The following CACNA1H variants were observed in gnomAD, a reference collection of about 807,000 sequenced individuals.
CACNA1H encodes calcium voltage-gated channel subunit alpha1 H.
Under a neutral mutation model 192.5 loss-of-function variants are expected in CACNA1H, and 149 were observed. That is an observed-to-expected ratio of 0.77 (90% CI 0.68 to 0.89). The LOEUF (loss-of-function observed/expected upper bound fraction) is 0.89. Ranked by LOEUF, CACNA1H falls within the 40% of genes least tolerant of loss-of-function variation. The probability of loss-of-function intolerance (pLI) is 0.00; values close to 1 mark genes in which losing one functional copy is unlikely to be tolerated. For synonymous variants in CACNA1H, 2,202 were observed against 1,475.2 expected (o/e 1.49, Z -11.29); for missense variants, 4,257 against 3,423.5 (o/e 1.24, Z -6.08).
At chr16:1,157,463 A>G (rs1962573515) in intron 2 of CACNA1H, among the ~76,000 whole-genome samples, 1 of 152,114 alleles carries the variant, frequency 6.6e-6, no homozygotes, top group South Asian at 2.1e-4. Context: ...AGCCTGAGAC[A>G]GCCCTTCATG....
At chr16:1,173,279 A>G (rs1023609717) in intron 2 of CACNA1H, among the ~76,000 whole-genome samples, 5 of 152,144 alleles carry the variant, frequency 3.3e-5, no homozygotes, top group Non-Finnish European at 7.4e-5. Context: ...GGTGGGTGGC[A>G]TCGGGAGGCC....
chr16:1,191,199 T>A (rs1204101397), intron 2 of CACNA1H, among the ~76,000 whole-genome samples: 1 of 63,266 alleles, frequency 1.6e-5, no homozygotes, highest in African/African-American at 1.0e-4. Context: ...TCTCTCTTAC[T>A]CAGCAGGCTG....
At chr16:1,196,771 T>G (rs1351433037) in intron 5 of CACNA1H, among the ~76,000 whole-genome samples, 1 of 152,106 alleles carries the variant, frequency 6.6e-6, no homozygotes, top group Non-Finnish European at 1.5e-5. Context: ...CCTGCTTGTT[T>G]GGGAAACATC....
At chr16:1,208,347 G>C in intron 16 of CACNA1H, 126 bp downstream of exon 16, 1 of 711,430 alleles carries the variant, frequency 1.4e-6, no homozygotes. Flanking sequence ...AGCCTGTGCA[G>C]AGACTGAGAA....
At chr16:1,209,980 TG>T in intron 17 of CACNA1H, 54 bp from the exon 18 acceptor site, 15 of 1,367,222 alleles carry the variant, frequency 1.1e-5, no homozygotes, top group Non-Finnish European at 1.5e-5. Flanking sequence ...AGGGCCCTGA[TG>T]GGGGGCCGGG....
rs768306211 is a variant in CACNA1H, at chr16:1,204,157, C to T, written c.2150C>T (p.Ser717Leu). 22 of 1,612,338 alleles carry T rather than the reference C, an allele frequency of 1.4e-5. No homozygotes were observed. Among genetic ancestry groups the T allele is most frequent in the Admixed American group, 6.7e-5 (4 of 59,992 alleles). The change falls in exon 10 of 35, where the codon TCG (serine) becomes TTG (leucine). Residue 717 changes from serine to leucine, a missense_variant. By Grantham distance (145) the Ser-to-Leu change is moderately radical (BLOSUM62 -2). Coordinates refer to ENST00000348261, the MANE Select transcript of CACNA1H (RefSeq NM_021098.3). ...GACCCGGAGGGTGAGCTCAGCGGCT[C>T]GGAAAGTGGAGACTCAGATGGCCGT... ...LEDPEGELSG[S>L]ESGDSDGRGV...
In CACNA1H at chr16:1,210,974, G is replaced by A. The variant is rs1241517773; in HGVS notation, c.4223+3G>A. 2.5e-6 allele frequency: 4 copies of A among 1,592,210 alleles called. No individual in the cohort carries two copies. The African/African-American group carries it at 4.0e-5, about 16-fold the overall frequency. On this transcript the variant is annotated splice_donor_region_variant and intron_variant, in intron 21 of 34. Transcript: ENST00000348261. ...CTGCGGACCCTGCGGCCTCTGAGGT[G>A]GGGGGCTCCCCGTGGGCTCCCGGGG... is the stretch of plus-strand genomic sequence containing the variant.
At chr16:1,198,950 C>G (rs1967350699) in intron 6 of CACNA1H, 176 bp downstream of exon 6, 1 of 627,394 alleles carries the variant, frequency 1.6e-6, no homozygotes, top group East Asian at 2.8e-5. Flanking sequence ...CCCCCACCCC[C>G]CATCATGGCT....
In CACNA1H at chr16:1,153,866, G is replaced by A. The variant is rs1286201611; in HGVS notation, c.129G>A (p.Gly43=). The change falls in exon 2 of 35, where the codon GGG becomes GGA. Residue 43 remains glycine (G), a synonymous_variant. Coordinates refer to ENST00000348261, the MANE Select transcript of CACNA1H (RefSeq NM_021098.3). ...PGAPGREAER[G]SELGVSPSES... ...CGCCGGGACGCGAGGCGGAGCGGGG[G>A]TCCGAGCTCGGCGTGTCACCCTCCG... The A allele has an allele frequency of 2.9e-6, 4 of 1,387,676 alleles. No individual in the cohort carries two copies. The African/African-American group carries it at 4.5e-5, about 16-fold the overall frequency. The allele number at this position is 1,387,676 out of a possible 1,614,324, so 86.0% of individuals were successfully genotyped here.
chr16:1,214,121 C>A (rs1006783308), intron 27 of CACNA1H, among the ~76,000 whole-genome samples, 190 bp downstream of exon 27: 2 of 151,898 alleles, frequency 1.3e-5, no homozygotes, highest in Non-Finnish European at 1.5e-5. Flanking sequence ...TCCTTGGGGC[C>A]CCTCCCCAAC....
Position 1,167,417 on chromosome 16 carries a change from C to A in CACNA1H, c.299+13381C>A, listed in dbSNP as rs1207016597. Among the ~76,000 whole-genome samples, 1 of 152,186 alleles carries A rather than the reference C, an allele frequency of 6.6e-6. No individual in the cohort carries two copies. Among genetic ancestry groups the A allele is most frequent in the South Asian group, 2.1e-4 (1 of 4,828 alleles). On this transcript the variant is annotated intron_variant, in intron 2 of 34. Coordinates refer to ENST00000348261, the MANE Select transcript of CACNA1H (RefSeq NM_021098.3). This position sits in a 1 kb window ranked among gnomAD's most constrained non-coding sequence, Gnocchi z 4.2. ...GTGTGTGTTTGCACGGCATCCATCC[C>A]TCCATCCGTCCTCTGGAGAATTTCA...
chr16:1,178,971 C>T (rs1326681498), intron 2 of CACNA1H, among the ~76,000 whole-genome samples: 1 of 152,224 alleles, frequency 6.6e-6, no homozygotes, highest in Non-Finnish European at 1.5e-5. Flanking sequence ...CCCCTCCCAG[C>T]CCCACCATTT....
rs777959349 is a variant in CACNA1H at position 1,204,365 on chromosome 16, G to A, written c.2358G>A (p.Leu786=). 2.6e-5 allele frequency: 41 copies of A among 1,572,448 alleles called. No homozygotes were observed. Among genetic ancestry groups the A allele is most frequent in the Non-Finnish European group, 3.4e-5 (40 of 1,160,254 alleles). The change falls in exon 10 of 35, where the codon CTG becomes CTA. Residue 786 remains leucine (L), a synonymous_variant. Coordinates refer to ENST00000348261, the MANE Select transcript of CACNA1H (RefSeq NM_021098.3). ...TCTGGGTTACCTTCAGCGGCAAGCT[G>A]CGCCGCATCGTGGACAGCAAGTACT... is the stretch of plus-strand genomic sequence containing the variant. The part of the protein sequence containing the change: ...GRLWVTFSGK[L]RRIVDSKYFS...
At chr16:1,182,966 G>A (rs2151763744) in intron 2 of CACNA1H, among the ~76,000 whole-genome samples, 1 of 152,196 alleles carries the variant, frequency 6.6e-6, no homozygotes, top group East Asian at 1.9e-4. Flanking sequence ...AGGAGGGCAA[G>A]CCCACCTGTC....
At chr16:1,188,583 C>G (rs1966291648) in intron 2 of CACNA1H, among the ~76,000 whole-genome samples, 1 of 152,238 alleles carries the variant, frequency 6.6e-6, no homozygotes, top group Non-Finnish European at 1.5e-5. Context: ...TGCTGCCCCC[C>G]ACACAACAGT....
At chr16:1,164,154 G>C (rs1168750679) in intron 2 of CACNA1H, among the ~76,000 whole-genome samples, 2 of 152,200 alleles carry the variant, frequency 1.3e-5, no homozygotes, top group Non-Finnish European at 2.9e-5. Flanking sequence ...CCCTGACACA[G>C]AAAACCCAGG....
rs936082480 is a variant in CACNA1H at position 1,167,827 on chromosome 16, C to T, written c.299+13791C>T. On this transcript the variant is annotated intron_variant, in intron 2 of 34. Coordinates refer to ENST00000348261, the MANE Select transcript of CACNA1H (RefSeq NM_021098.3). This position sits in a 1 kb window ranked among gnomAD's most constrained non-coding sequence, Gnocchi z 4.2. ...GGTGTGTGCTTAGAAAGTGCACCTGCGAGGTTGGGGCGTGGCCTGGCCGTC... is the reference window on the plus strand; with the variant it reads ...GGTGTGTGCTTAGAAAGTGCACCTGTGAGGTTGGGGCGTGGCCTGGCCGTC... Among the ~76,000 whole-genome samples, 6 of 152,200 alleles carry T rather than the reference C, an allele frequency of 3.9e-5. No homozygotes were observed. The highest frequency in any genetic ancestry group is 1.2e-4 in the African/African-American group (5 of 41,456).
chr16:1,213,860 G>C lies in CACNA1H; in HGVS notation c.4858G>C (p.Asp1620His), dbSNP rs1382196312. The change falls in exon 27 of 35, where the codon GAC becomes CAC. Residue 1620 changes from aspartate to histidine, a missense_variant. Physicochemically the swap from Asp to His is moderately conservative, Grantham distance 81 (BLOSUM62 -1). Transcript: ENST00000348261. ...IHSLCTSHYLDLFITFIICVN... is the reference protein window; with the variant it reads ...IHSLCTSHYLHLFITFIICVN... ...CTCGCTGTGCACCAGCCACTATCTC[G>C]ACCTCTTCATCACCTTCATCATCTG... 11 of 1,609,784 alleles carry C rather than the reference G, an allele frequency of 6.8e-6. No homozygotes were observed. Among genetic ancestry groups the C allele is most frequent in the South Asian group, 4.4e-5 (4 of 90,170 alleles).
chr16:1,221,016 C>T lies in CACNA1H; in HGVS notation c.*22C>T, dbSNP rs551855741. 44 of 1,529,444 alleles carry T rather than the reference C, an allele frequency of 2.9e-5. No individual in the cohort carries two copies. The highest frequency in any genetic ancestry group is 2.7e-4 in the South Asian group (21 of 77,244). The allele number at this position is 1,529,444 out of a possible 1,614,324, so 94.7% of individuals were successfully genotyped here. A position where few individuals can be genotyped will look rare whatever the true frequency, so the allele number is the denominator to read the frequency against. On this transcript the variant is annotated 3_prime_UTR_variant, in exon 35 of 35. Coordinates refer to ENST00000348261, the MANE Select transcript of CACNA1H (RefSeq NM_021098.3). Reference sequence around the variant, plus strand: ...GTAGCTCGGGGCTTGGTGCCGCCCACGGCTTTGGCCCTGGGGTCTGGGGGC... The same window carrying T: ...GTAGCTCGGGGCTTGGTGCCGCCCATGGCTTTGGCCCTGGGGTCTGGGGGC...
Sources: gnomAD v4.1 joint callset for allele counts (sites outside exome capture counted in the v4.1 genomes callset) on GRCh38, gnomAD v4.1.1 for gene constraint, Gnocchi (gnomAD v3.1) non-coding constraint, MANE v1.5 for transcripts, NCBI Gene and HGNC (gene_info 2026-07-23, HGNC 2026-07-21) for gene names.